PXDNL: variants seen among roughly 807,000 people sequenced by gnomAD.
PXDNL encodes the protein probable oxidoreductase PXDNL.
PXDNL carries 145 observed loss-of-function variants against 150.8 expected under a neutral mutation model. That is an observed-to-expected ratio of 0.96 (90% confidence interval 0.84 to 1.10). The LOEUF (loss-of-function observed/expected upper bound fraction) is 1.10, where lower values mean the gene tolerates loss of function less well. Ranked by LOEUF, PXDNL falls within the 50% of genes least tolerant of loss-of-function variation. The pLI is 0.00. For synonymous variants in PXDNL, 757 were observed against 725.7 expected, an observed-to-expected ratio of 1.04 and a Z score of -0.69; for missense variants, 2,087 against 1,873.9, an observed-to-expected ratio of 1.11 and a Z score of -2.10.
intron 17 of PXDNL, among the ~76,000 whole-genome samples, chr8:51,390,939 C>T (rs1379577740): frequency 6.6e-6 from 1 of 151,990 alleles, no homozygotes; most frequent in Non-Finnish European, 1.5e-5. Context: ...TGTTCCCCTT[C>T]CTGTGTCCAT....
At chr8:51,509,815 CGTGT>C (rs1341958594) in intron 4 of PXDNL, among the ~76,000 whole-genome samples, 1 of 148,976 alleles carries the variant, frequency 6.7e-6, no homozygotes, top group African/African-American at 2.5e-5. Flanking sequence ...TATACATATA[CGTGT>C]GTGTGTGTAT....
chr8:51,374,118 G>A (rs1807221013), intron 18 of PXDNL, among the ~76,000 whole-genome samples: 1 of 152,126 alleles, frequency 6.6e-6, no homozygotes, highest in Admixed American at 6.5e-5. Context: ...TCTGGTCTAG[G>A]GTCATCAGGT....
At chr8:51,483,007 T>C (rs528342780) in intron 6 of PXDNL, among the ~76,000 whole-genome samples, 2 of 152,200 alleles carry the variant, frequency 1.3e-5, no homozygotes, top group African/African-American at 4.8e-5. Flanking sequence ...TACTTGTGTT[T>C]GGGGTTGAGG....
Position 51,408,783 on chromosome 8 carries a change from C to T in PXDNL, c.2841G>A (p.Gln947=), listed in dbSNP as rs201891697. Residue 947 remains glutamine, a synonymous_variant, in exon 17 of 23, where the codon CAG becomes CAA. Transcript: ENST00000356297. The part of the protein sequence containing the change: ...STGPPTECAR[Q]EQESPCFLAG... ...CCAGGAAACAGGGGCTCTCCTGCTC[C>T]TGTCGCGCGCACTCGGTGGGTGGGC... The T allele has an allele frequency of 6.3e-6, 10 of 1,575,658 alleles. No homozygotes were observed. The Admixed American group carries it at 1.5e-4, about 23-fold the overall frequency.
At chr8:51,543,684 C>G (rs143138586) in intron 4 of PXDNL, among the ~76,000 whole-genome samples, 1 of 145,168 alleles carries the variant, frequency 6.9e-6, no homozygotes, top group African/African-American at 2.6e-5. Context: ...TGCACTCCAG[C>G]CTGGTGACAG....
At chr8:51,676,258 C>T (rs895045673) in intron 1 of PXDNL, among the ~76,000 whole-genome samples, 2 of 151,912 alleles carry the variant, frequency 1.3e-5, no homozygotes, top group Non-Finnish European at 2.9e-5. Flanking sequence ...TCCATTTTCT[C>T]TGTGGTTCTC....
At chr8:51,746,451 A>G (rs1482601015) in intron 1 of PXDNL, among the ~76,000 whole-genome samples, 2 of 152,168 alleles carry the variant, frequency 1.3e-5, no homozygotes, top group African/African-American at 4.8e-5. Flanking sequence ...TAGGTAATGG[A>G]TAATTATAAA....
In PXDNL at chr8:51,452,357, C is replaced by A. The variant is rs562419559; in HGVS notation, c.1249+1162G>T. Among the ~76,000 whole-genome samples the A allele has an allele frequency of 2.5e-3, 378 of 152,266 alleles. 2 individuals carry two copies. In the Middle Eastern group the frequency reaches 0.027, roughly 11 times the overall value. On this transcript the variant is annotated intron_variant, in intron 10 of 22. Coordinates refer to ENST00000356297, the MANE Select transcript of PXDNL (RefSeq NM_144651.5). Reference sequence around the variant, plus strand: ...CTCAAGAAAATATTTCATTTCTGTGCCTTCTTATTAGAGCAAGGAAAGTAT... The same window carrying A: ...CTCAAGAAAATATTTCATTTCTGTGACTTCTTATTAGAGCAAGGAAAGTAT...
At chr8:51,642,760 C>G (rs1402018813) in intron 2 of PXDNL, among the ~76,000 whole-genome samples, 1 of 152,186 alleles carries the variant, frequency 6.6e-6, no homozygotes, top group Non-Finnish European at 1.5e-5. Context: ...TTTTCCCTGT[C>G]TGCAGATGAC....
At chr8:51,484,596 G>A (rs1393617188) in intron 5 of PXDNL, among the ~76,000 whole-genome samples, 1 of 152,192 alleles carries the variant, frequency 6.6e-6, no homozygotes, top group Non-Finnish European at 1.5e-5. Flanking sequence ...GTCCCGTTGG[G>A]TGCTGCTATG....
chr8:51,402,519 AAAAT>A lies in PXDNL; in HGVS notation c.3557+5544_3557+5547del, dbSNP rs540930401. On this transcript the variant is annotated intron_variant, in intron 17 of 22. Transcript: ENST00000356297. ...GGGTGACAGAGAAAGACTCCGTCTC[AAAAT>A]AAATAAATAAATAAAGCCGAGGCAG... 2.5e-3 allele frequency among the ~76,000 whole-genome samples: 381 copies of A among 152,206 alleles called. 2 individuals carry two copies. The highest frequency in any genetic ancestry group is 0.017 in the Middle Eastern group (5 of 294).
intron 1 of PXDNL, among the ~76,000 whole-genome samples, chr8:51,696,752 C>CAGGT (rs1563510141): frequency 1.1e-4 from 2 of 18,900 alleles, no homozygotes; most frequent in African/African-American, 1.6e-4. Flanking sequence ...CACATACCCA[C>CAGGT]CCACACATAG....
chr8:51,532,598 T>A (rs1811930517), intron 4 of PXDNL, among the ~76,000 whole-genome samples: 1 of 152,218 alleles, frequency 6.6e-6, no homozygotes, highest in Admixed American at 6.5e-5. Flanking sequence ...GGTTTTTAAC[T>A]TCTCCTTTGG....
rs1269136773 is a variant in PXDNL, at chr8:51,483,577, T to C, written c.524+66A>G. ...AAAGCAGGAGAAGGCAACCAACCAT[T>C]GTTTGGGATGGATTTTGGAGGAAAT... is the stretch of plus-strand genomic sequence containing the variant. On this transcript the variant is annotated intron_variant, in intron 6 of 22. Transcript: ENST00000356297. The C allele has an allele frequency of 5.1e-6, 5 of 981,230 alleles. No individual in the cohort carries two copies. In the African/African-American group the frequency reaches 6.7e-5, roughly 13 times the overall value. The allele number at this position is 981,230 out of a possible 1,614,324, so 60.8% of individuals were successfully genotyped here.
At chr8:51,534,725 C>T (rs1585558169) in intron 4 of PXDNL, among the ~76,000 whole-genome samples, 2 of 110,054 alleles carry the variant, frequency 1.8e-5, no homozygotes, top group Non-Finnish European at 3.7e-5. Flanking sequence ...CCCGGCCAGC[C>T]GCCCCGTCCG....
chr8:51,396,981 T>C (rs939284985), intron 17 of PXDNL, among the ~76,000 whole-genome samples: 7 of 152,212 alleles, frequency 4.6e-5, no homozygotes, highest in Admixed American at 2.6e-4. Context: ...TTTGAATATT[T>C]TGATGGCTGT....
intron 2 of PXDNL, among the ~76,000 whole-genome samples, chr8:51,606,503 C>T (rs886651153): frequency 6.6e-6 from 1 of 152,256 alleles, no homozygotes; most frequent in Middle Eastern, 3.4e-3. Context: ...AGAAATAATA[C>T]TCTAACTATA....
At chr8:51,412,743 T>C (rs916754701) in intron 15 of PXDNL, among the ~76,000 whole-genome samples, 3 of 152,218 alleles carry the variant, frequency 2.0e-5, no homozygotes, top group Non-Finnish European at 4.4e-5. Flanking sequence ...ATTAAAATAA[T>C]GTAAAATGCC....
At position 51,809,233 on chromosome 8, in the gene PXDNL, T is replaced by C. The variant is rs1301374608; in HGVS notation, c.112A>G (p.Met38Val). 26 of 1,613,220 alleles carry C rather than the reference T, an allele frequency of 1.6e-5. No individual in the cohort carries two copies. Among genetic ancestry groups the C allele is most frequent in the Non-Finnish European group, 2.0e-5 (24 of 1,179,686 alleles). Residue 38 changes from methionine to valine, a missense_variant, in exon 1 of 23, where the codon ATG (methionine) becomes GTG (valine). Met to Val is a conservative substitution (Grantham distance 21, BLOSUM62 1). Coordinates refer to ENST00000356297, the MANE Select transcript of PXDNL (RefSeq NM_144651.5). Reference sequence around the variant, plus strand: ...GGAATGTGGTCCAGCATCAAGTGCATGCAGCGGACGGTGCTCTTAAAGCAA... The same window carrying C: ...GGAATGTGGTCCAGCATCAAGTGCACGCAGCGGACGGTGCTCTTAAAGCAA... ...CLCFKSTVRC[M>V]HLMLDHIPQV...
Sources: allele counts gnomAD v4.1 joint callset (sites outside exome capture counted in the v4.1 genomes callset), GRCh38; gene constraint gnomAD v4.1.1; transcripts MANE v1.5; gene names NCBI Gene and HGNC (gene_info 2026-07-23, HGNC 2026-07-21).